Variants in PPP2R2C observed in about 807,000 individuals in gnomAD.
PPP2R2C encodes the protein protein phosphatase 2, regulatory subunit B, gamma.
In PPP2R2C, 10 loss-of-function variants were observed where a neutral mutation model predicts 45.3. The observed-to-expected ratio is 0.22, with a 90% confidence interval of 0.14 to 0.37. The LOEUF (loss-of-function observed/expected upper bound fraction) is 0.37, where lower values mean the gene tolerates loss of function less well. Ranked by LOEUF, PPP2R2C falls within the 10% of genes least tolerant of loss-of-function variation. PPP2R2C has a pLI of 1.00. For missense variants in PPP2R2C, 308 were observed against 619.7 expected (o/e 0.50, Z 5.34); for synonymous variants, 257 against 245.4 (o/e 1.05, Z -0.44).
rs1292419214 is a variant in PPP2R2C at position 6,368,556 on chromosome 4, C to T, written c.625+3967G>A. 6.6e-6 allele frequency among the ~76,000 whole-genome samples: 1 copy of T among 152,144 alleles called. No homozygotes were observed. Among genetic ancestry groups the T allele is most frequent in the Non-Finnish European group, 1.5e-5 (1 of 68,016 alleles). ...GGGACGGGACAGGAGGCAAGGCTCA[C>T]GGTAACGGCCAGGGAGGACTTTGCA... On this transcript the variant is annotated intron_variant, in intron 5 of 8. Coordinates refer to ENST00000382599, the MANE Select transcript of PPP2R2C (RefSeq NM_020416.4). The surrounding 1 kb of genome is among the most constrained non-coding windows in gnomAD (Gnocchi z 4.2).
chr4:6,562,944 T>C (rs936457477), intron 1 of PPP2R2C, among the ~76,000 whole-genome samples: 19 of 136,978 alleles, frequency 1.4e-4, no homozygotes, highest in African/African-American at 4.7e-4. Flanking sequence ...GCCACTGTCA[T>C]GGACTGTCCC....
At chr4:6,335,863 T>G (rs1377280685) in intron 6 of PPP2R2C, among the ~76,000 whole-genome samples, 1 of 151,996 alleles carries the variant, frequency 6.6e-6, no homozygotes, top group African/African-American at 2.4e-5. Flanking sequence ...CCCCCACCTC[T>G]CTTGAGAGCA....
At chr4:6,552,992 A>C (rs1158860448) in intron 1 of PPP2R2C, among the ~76,000 whole-genome samples, 1 of 152,198 alleles carries the variant, frequency 6.6e-6, no homozygotes, top group Non-Finnish European at 1.5e-5. Flanking sequence ...AGTTCAACAG[A>C]AGAGAAGTAA....
chr4:6,503,446 T>C (rs924505685), intron 2 of PPP2R2C, among the ~76,000 whole-genome samples: 1 of 152,194 alleles, frequency 6.6e-6, no homozygotes, highest in African/African-American at 2.4e-5. Flanking sequence ...CTTCTTTTTC[T>C]CCCTGACACT....
intron 2 of PPP2R2C, among the ~76,000 whole-genome samples, chr4:6,520,494 G>A (rs1487639601): frequency 3.3e-5 from 5 of 152,194 alleles, no homozygotes; most frequent in South Asian, 2.1e-4. Flanking sequence ...AATGACCCAC[G>A]TCACACACAG....
intron 1 of PPP2R2C, among the ~76,000 whole-genome samples, chr4:6,396,175 G>C (rs1175894011): frequency 6.6e-6 from 1 of 152,302 alleles, no homozygotes; most frequent in Middle Eastern, 3.4e-3. Flanking sequence ...CCCAGGAGCA[G>C]GCTGCTTCTC....
intron 1 of PPP2R2C, among the ~76,000 whole-genome samples, chr4:6,392,005 A>G (rs1716677748): frequency 6.6e-6 from 1 of 152,234 alleles, no homozygotes. Flanking sequence ...TGACCGACAC[A>G]CAGGAAATAC....
Position 6,329,546 on chromosome 4 carries a change from T to G in PPP2R2C, c.961-193A>C, listed in dbSNP as rs186289896. Among the ~76,000 whole-genome samples the G allele has an allele frequency of 3.3e-5, 5 of 150,452 alleles. No individual in the cohort carries two copies. The highest frequency in any genetic ancestry group is 7.4e-5 in the Non-Finnish European group (5 of 67,668). ...CCTGCTCATCTCATCGGGAGGCCCA[T>G]GACCAGGCACACGGCTGACCCCGAC... On this transcript the variant is annotated intron_variant, in intron 7 of 8. Coordinates refer to ENST00000382599, the MANE Select transcript of PPP2R2C (RefSeq NM_020416.4). This position sits in a 1 kb window ranked among gnomAD's most constrained non-coding sequence, Gnocchi z 5.8.
chr4:6,394,649 G>A lies in PPP2R2C; in HGVS notation c.71-13555C>T, dbSNP rs183615504. On this transcript the variant is annotated intron_variant, in intron 1 of 8. Coordinates refer to ENST00000382599, the MANE Select transcript of PPP2R2C (RefSeq NM_020416.4). ...GTGCTGTTCCCATCCCAGGATGGGG[G>A]GCATGGAGGCCTGACACTGATGCGG... Among the ~76,000 whole-genome samples the A allele has an allele frequency of 5.5e-3, 836 of 152,302 alleles. 1 individual carries two copies. Among genetic ancestry groups the A allele is most frequent in the Non-Finnish European group, 9.1e-3 (621 of 68,012 alleles).
intron 5 of PPP2R2C, among the ~76,000 whole-genome samples, chr4:6,370,320 T>A (rs1439008456): frequency 6.6e-6 from 1 of 152,186 alleles, no homozygotes; most frequent in African/African-American, 2.4e-5. Context: ...GAGCACCAAG[T>A]GAGACAACGA....
intron 1 of PPP2R2C, among the ~76,000 whole-genome samples, chr4:6,460,936 T>C (rs1195118663): frequency 6.6e-6 from 1 of 151,992 alleles, no homozygotes; most frequent in East Asian, 1.9e-4. Flanking sequence ...CCCATCCCGC[T>C]CCAGCTCCTC....
chr4:6,470,727 C>A (rs1331536490), intron 1 of PPP2R2C, among the ~76,000 whole-genome samples: 1 of 152,220 alleles, frequency 6.6e-6, no homozygotes, highest in East Asian at 1.9e-4. Flanking sequence ...CCGAAGCAGG[C>A]GACAAAGGAC....
At chr4:6,519,504 C>A (rs771625235) in intron 2 of PPP2R2C, among the ~76,000 whole-genome samples, 3 of 152,220 alleles carry the variant, frequency 2.0e-5, no homozygotes, top group Non-Finnish European at 2.9e-5. Flanking sequence ...TCCTCTGCAG[C>A]CACACAGGCC....
chr4:6,549,813 C>T (rs1313707227), intron 1 of PPP2R2C, among the ~76,000 whole-genome samples: 4 of 152,202 alleles, frequency 2.6e-5, no homozygotes, highest in African/African-American at 7.2e-5. Context: ...CAGTGGTGGC[C>T]ACTATTGAGC....
At chr4:6,405,796 A>G (rs1717758945) in intron 1 of PPP2R2C, among the ~76,000 whole-genome samples, 1 of 152,196 alleles carries the variant, frequency 6.6e-6, no homozygotes, top group African/African-American at 2.4e-5. Context: ...ATGGGCCTAT[A>G]AAGCCAGCCA....
At chr4:6,389,785 A>G (rs76574830) in intron 1 of PPP2R2C, among the ~76,000 whole-genome samples, 99 of 152,216 alleles carry the variant, frequency 6.5e-4, no homozygotes, top group African/African-American at 1.9e-3. Context: ...TATCACCCCC[A>G]TTGCACAGAT....
rs147824002 is a variant in PPP2R2C at position 6,443,703 on chromosome 4, C to A, written c.70+28457G>T. ...GTCCGTATAAACATGATGGCAATGC[C>A]CAGCTTGTAGGGCTGTGCTGAGGCT... On this transcript the variant is annotated intron_variant, in intron 1 of 8. Transcript: ENST00000382599. Among the ~76,000 whole-genome samples the A allele has an allele frequency of 2.7e-3, 416 of 152,290 alleles. 5 individuals are homozygous for A. The highest frequency in any genetic ancestry group is 9.4e-3 in the African/African-American group (391 of 41,558).
At chr4:6,477,985 C>T (rs1292926304) in intron 2 of PPP2R2C, among the ~76,000 whole-genome samples, 2 of 152,102 alleles carry the variant, frequency 1.3e-5, no homozygotes, top group African/African-American at 4.8e-5. Context: ...TGTTTCCAGG[C>T]TCCCAGCTCC....
At chr4:6,535,577 A>G (rs1335431555) in intron 1 of PPP2R2C, among the ~76,000 whole-genome samples, 1 of 152,138 alleles carries the variant, frequency 6.6e-6, no homozygotes, top group African/African-American at 2.4e-5. Context: ...CTCAGCTTCC[A>G]AATCTGTGAA....
Sources: allele counts gnomAD v4.1 joint callset (sites outside exome capture counted in the v4.1 genomes callset), GRCh38; gene constraint gnomAD v4.1.1; non-coding constraint Gnocchi (gnomAD v3.1); transcripts MANE v1.5; gene names NCBI Gene and HGNC (gene_info 2026-07-23, HGNC 2026-07-21).